ABI3BP: variants seen among roughly 807,000 people sequenced by gnomAD.
The protein encoded by ABI3BP is ABI family member 3 binding protein.
ABI3BP carries 216 observed loss-of-function variants against 268.6 expected under a neutral mutation model. That is an observed-to-expected ratio of 0.80 (90% CI 0.72 to 0.90). The LOEUF (loss-of-function observed/expected upper bound fraction) is 0.90. Among genes scored for constraint, ABI3BP ranks in the 40% least tolerant of loss-of-function variants. The pLI is 0.00. For synonymous variants in ABI3BP, 730 were observed against 730.0 expected (o/e 1.00, Z 0.00); for missense variants, 2,090 against 2,182.4 (o/e 0.96, Z 0.84).
intron 9 of ABI3BP, among the ~76,000 whole-genome samples, chr3:100,873,777 T>G (rs13077448): frequency 0.14 from 20,600 of 152,192 alleles, 1,807 homozygotes; most frequent in African/African-American, 0.24. Flanking sequence ...GGTCCCAGAA[T>G]GAGCAGGTGC....
At position 100,824,912 on chromosome 3, in the gene ABI3BP, G is replaced by A; in HGVS notation, c.2692C>T (p.Pro898Ser). Reference protein sequence around the residue: ...ATKTSKRTRPPRPRPKTTPSP... With the variant: ...ATKTSKRTRPSRPRPKTTPSP... Reference sequence around the variant, plus strand: ...GGTGTAGTTTTAGGTCTGGGACGTGGAGGGCGGGTTCTTTTTGATGTTTTG... The same window carrying A: ...GGTGTAGTTTTAGGTCTGGGACGTGAAGGGCGGGTTCTTTTTGATGTTTTG... The change falls in exon 36 of 68, where the codon CCA (proline) becomes TCA (serine). Residue 898 changes from proline to serine, a missense_variant. Pro to Ser is a moderately conservative substitution (Grantham distance 74). Coordinates refer to ENST00000471714, the MANE Select transcript of ABI3BP (RefSeq NM_001375547.2). The A allele has an allele frequency of 2.0e-6, 3 of 1,536,080 alleles. No individual in the cohort carries two copies. The highest frequency in any genetic ancestry group is 2.7e-5 in the African/African-American group (2 of 73,142).
At chr3:100,768,250 G>T (rs1032766080) in intron 62 of ABI3BP, among the ~76,000 whole-genome samples, 1 of 151,838 alleles carries the variant, frequency 6.6e-6, no homozygotes, top group Non-Finnish European at 1.5e-5. Flanking sequence ...CACCACACCC[G>T]GCTAATTTTT....
At chr3:100,808,106 G>C (rs2097762888) in intron 50 of ABI3BP, 55 bp downstream of exon 50, 3 of 1,491,502 alleles carry the variant, frequency 2.0e-6, no homozygotes, top group South Asian at 2.4e-5. Flanking sequence ...CAATTTGCTA[G>C]AATAACCCCA....
chr3:100,965,091 T>C (rs1185792048), intron 1 of ABI3BP, among the ~76,000 whole-genome samples: 4 of 152,230 alleles, frequency 2.6e-5, no homozygotes, highest in Non-Finnish European at 5.9e-5. Context: ...AGCCTTCTTA[T>C]TGGTCGTTTG....
intron 9 of ABI3BP, among the ~76,000 whole-genome samples, chr3:100,869,373 C>G (rs1302191232): frequency 5.6e-5 from 4 of 70,798 alleles, no homozygotes; most frequent in Admixed American, 2.0e-4. Flanking sequence ...GGGTCTCACT[C>G]TGTTGCCCAG....
rs749837660 is a variant in ABI3BP, at chr3:100,866,944, G to A, written c.923C>T (p.Thr308Ile). 1.2e-6 allele frequency: 2 copies of A among 1,613,586 alleles called. No individual in the cohort carries two copies. The highest frequency in any genetic ancestry group is 2.2e-5 in the East Asian group (1 of 44,846). The change falls in exon 10 of 68, where the codon ACC becomes ATC. Residue 308 changes from threonine to isoleucine, a missense_variant. Transcript: ENST00000471714. Reference sequence around the variant, plus strand: ...TTTAGATTCGGCAGGTAATGCCAAGGTTTCATTCTTAGCTAAAAAGTCAGA... The same window carrying A: ...TTTAGATTCGGCAGGTAATGCCAAGATTTCATTCTTAGCTAAAAAGTCAGA... ...ALKTQLAKNE[T>I]LALPAESKTP... is the part of the protein sequence containing the mutation.
chr3:100,769,995 A>G (rs1028111087), intron 62 of ABI3BP, among the ~76,000 whole-genome samples: 1 of 152,186 alleles, frequency 6.6e-6, no homozygotes, highest in Non-Finnish European at 1.5e-5. Context: ...GGTCCTGTGC[A>G]CTGCTCCTCT....
Position 100,862,382 on chromosome 3 carries a change from G to T in ABI3BP, c.1214C>A (p.Ser405Ter). 1 of 1,579,574 alleles carries T rather than the reference G, an allele frequency of 6.3e-7. No homozygotes were observed. The highest frequency in any genetic ancestry group is 8.6e-7 in the Non-Finnish European group (1 of 1,165,160). ...PFEKPRGTLA[S>*]SEKPWIVPTA... ...AGGCACAATCCATGGCTTTTCACTTGAAGCTATATTGAAAAGAAATGGAAT... is the reference window on the plus strand; with the variant it reads ...AGGCACAATCCATGGCTTTTCACTTTAAGCTATATTGAAAAGAAATGGAAT... Residue 405 changes from serine (S) to a stop codon, truncating the protein, a stop_gained, in exon 14 of 68, where the codon TCA becomes TAA. Coordinates refer to ENST00000471714, the MANE Select transcript of ABI3BP (RefSeq NM_001375547.2). LOFTEE classifies it high-confidence loss of function.
chr3:100,894,965 A>ACAAAAAAAAAAAAAAAAAAAAAAAAAAAC (rs1554077139), intron 4 of ABI3BP, among the ~76,000 whole-genome samples: 1 of 120,768 alleles, frequency 8.3e-6, no homozygotes, highest in Non-Finnish European at 1.9e-5. Context: ...AAAAAAAAAA[A>ACAAAAAAAAAAAAAAAAAAAAAAAAAAAC]AACAGAAAAA....
intron 1 of ABI3BP, among the ~76,000 whole-genome samples, chr3:100,948,958 T>C (rs1429916974): frequency 6.6e-6 from 1 of 152,162 alleles, no homozygotes; most frequent in African/African-American, 2.4e-5. Context: ...TTTTAAAAAA[T>C]TATTCATTTA....
In ABI3BP at chr3:100,863,847, T is replaced by C. The variant is rs186264954; in HGVS notation, c.1138+155A>G. 2.6e-3 allele frequency: 1,538 copies of C among 598,332 alleles called. 2 individuals carry two copies. The highest frequency in any genetic ancestry group is 4.0e-3 in the Non-Finnish European group (1,352 of 341,070). 37.1% of individuals were successfully genotyped at this position (598,332 alleles called of 1,614,324 possible). A position where few individuals can be genotyped will look rare whatever the true frequency, so the allele number is the denominator to read the frequency against. ...AAAAACAACCCAACCAAACAATTTG[T>C]CATAGGGAGAGCCTCTTTGGGATCC... is the stretch of plus-strand genomic sequence containing the variant. On this transcript the variant is annotated intron_variant, in intron 12 of 67. Coordinates refer to ENST00000471714, the MANE Select transcript of ABI3BP (RefSeq NM_001375547.2).
intron 49 of ABI3BP, among the ~76,000 whole-genome samples, chr3:100,809,897 G>A (rs1484927513): frequency 6.6e-6 from 1 of 152,004 alleles, no homozygotes. Context: ...TTATTTGTAT[G>A]CAGTGAAATG....
chr3:100,926,544 T>C, intron 1 of ABI3BP, 63 bp from the exon 2 acceptor site: 1 of 1,468,526 alleles, frequency 6.8e-7, no homozygotes, highest in Non-Finnish European at 9.5e-7. Context: ...CTACCCAACT[T>C]CCCAGCAAGT....
Position 100,898,852 on chromosome 3 carries a change from G to A in ABI3BP, c.371C>T (p.Thr124Ile). The A allele has an allele frequency of 1.9e-6, 3 of 1,613,462 alleles. No individual in the cohort carries two copies. The highest frequency in any genetic ancestry group is 2.5e-6 in the Non-Finnish European group (3 of 1,179,716). The change falls in exon 4 of 68, where the codon ACT (threonine) becomes ATT (isoleucine). Residue 124 changes from threonine to isoleucine, a missense_variant. Coordinates refer to ENST00000471714, the MANE Select transcript of ABI3BP (RefSeq NM_001375547.2). Reference sequence around the variant, plus strand: ...CAGGAAGACCGAGCTCGGTGTCAGAGTGCCAACCACCAGCTGCAGAGGTTT... The same window carrying A: ...CAGGAAGACCGAGCTCGGTGTCAGAATGCCAACCACCAGCTGCAGAGGTTT... The part of the protein sequence containing the change: ...SRKPLQLVVG[T>I]LTPSSVFLSW...
intron 1 of ABI3BP, among the ~76,000 whole-genome samples, chr3:100,930,274 T>C (rs978561475): frequency 6.6e-6 from 1 of 151,962 alleles, no homozygotes; most frequent in African/African-American, 2.4e-5. Context: ...TTGCACCGTA[T>C]ATGAGGAACA....
chr3:100,949,505 A>T (rs1446197802), intron 1 of ABI3BP, among the ~76,000 whole-genome samples: 1 of 152,172 alleles, frequency 6.6e-6, no homozygotes, highest in Non-Finnish European at 1.5e-5. Flanking sequence ...GCATCAAGGG[A>T]TCTGCCCACC....
chr3:100,933,277 T>G (rs768272149), intron 1 of ABI3BP, among the ~76,000 whole-genome samples: 17 of 151,876 alleles, frequency 1.1e-4, no homozygotes, highest in Non-Finnish European at 2.2e-4. Context: ...TTAATTGCCA[T>G]AAGATACTAA....
Position 100,820,241 on chromosome 3 carries a change from C to A in ABI3BP, c.3010G>T (p.Glu1004Ter). Residue 1004 changes from glutamate to a stop codon, truncating the protein, a stop_gained, in exon 40 of 68, where the codon GAG becomes TAG. Transcript: ENST00000471714. LOFTEE classifies it high-confidence loss of function. ...RPKTKTTPSP[E>*]VPQTKLVPST... ...TTACCCAGTTTGGTTTGAGGAACCT[C>A]AGGACTTGGTGTGGTTTTAGTTTTG... The A allele has an allele frequency of 2.0e-6, 3 of 1,536,186 alleles. No individual in the cohort carries two copies. Among genetic ancestry groups the A allele is most frequent in the Non-Finnish European group, 2.6e-6 (3 of 1,146,852 alleles).
chr3:100,778,519 C>T (rs1007220560), intron 58 of ABI3BP, 143 bp from the exon 59 acceptor site: 1 of 694,118 alleles, frequency 1.4e-6, no homozygotes, highest in African/African-American at 1.8e-5. Context: ...CAGAAAAGTG[C>T]ACACAAATAT....
Sources: allele counts gnomAD v4.1 joint callset (sites outside exome capture counted in the v4.1 genomes callset), GRCh38; gene constraint gnomAD v4.1.1; transcripts MANE v1.5; gene names NCBI Gene and HGNC (gene_info 2026-07-23, HGNC 2026-07-21).